Variants in MYOM3 observed in about 807,000 individuals in gnomAD.
The protein encoded by MYOM3 is myomesin-3.
In MYOM3, 155 loss-of-function variants were observed where a neutral mutation model predicts 191.7. That is an observed-to-expected ratio of 0.81 (90% confidence interval 0.71 to 0.92). MYOM3 has a LOEUF of 0.92. Among genes scored for constraint, MYOM3 ranks in the 40% least tolerant of loss-of-function variants. The pLI is 0.00. For synonymous variants in MYOM3, 757 were observed against 762.9 expected, an observed-to-expected ratio of 0.99 and a Z score of 0.13; for missense variants, 1,889 against 1,890.6, an observed-to-expected ratio of 1.00 and a Z score of 0.02.
rs761157995 is a variant in MYOM3, at chr1:24,081,465, G to A, written c.2281-9C>T. The A allele has an allele frequency of 5.1e-5, 82 of 1,613,006 alleles. No homozygotes were observed. Among genetic ancestry groups the A allele is most frequent in the Non-Finnish European group, 6.8e-5 (80 of 1,179,450 alleles). On this transcript the variant is annotated splice_polypyrimidine_tract_variant and intron_variant, in intron 18 of 36. Transcript: ENST00000374434. The stretch of plus-strand genomic sequence containing the variant: ...TCATGAAGGTCACTGACCTTTAAGA[G>A]CAGAAACACAAACTATGAGGCTGAG...
At chr1:24,076,298 C>T in intron 20 of MYOM3, 25 bp from the exon 21 acceptor site, 1 of 1,560,088 alleles carries the variant, frequency 6.4e-7, no homozygotes, top group Admixed American at 1.7e-5. Flanking sequence ...CAAGAGCCAG[C>T]ACTGAGGACA....
intron 5 of MYOM3, among the ~76,000 whole-genome samples, chr1:24,100,015 C>A (rs1257013636): frequency 6.6e-6 from 1 of 152,044 alleles, no homozygotes; most frequent in African/African-American, 2.4e-5. Flanking sequence ...ATTACAGACG[C>A]CTTCCACCAC....
chr1:24,084,905 A>T (rs933755685), intron 15 of MYOM3, among the ~76,000 whole-genome samples: 1 of 151,426 alleles, frequency 6.6e-6, no homozygotes, highest in African/African-American at 2.4e-5. Context: ...ACACACACAC[A>T]CTCTCTCTCA....
At chr1:24,097,569 G>A (rs935212254) in intron 7 of MYOM3, among the ~76,000 whole-genome samples, 9 of 152,172 alleles carry the variant, frequency 5.9e-5, no homozygotes, top group Non-Finnish European at 1.2e-4. Flanking sequence ...CCCTGCCACC[G>A]GCTGGCTCAG....
chr1:24,108,795 T>C, intron 1 of MYOM3, 141 bp from the exon 2 acceptor site: 1 of 612,216 alleles, frequency 1.6e-6, no homozygotes, highest in Non-Finnish European at 2.8e-6. Context: ...GAAACTGAGG[T>C]CTGAGAGGGA....
intron 3 of MYOM3, 29 bp downstream of exon 3, chr1:24,107,964 C>T (rs376582046): frequency 4.4e-5 from 70 of 1,599,104 alleles, no homozygotes; most frequent in East Asian, 2.0e-4. Context: ...TCCTCAGCCA[C>T]GGCTCCCTGG....
At chr1:24,068,460 C>G in intron 25 of MYOM3, 93 bp from the exon 26 acceptor site, 4 of 1,482,348 alleles carry the variant, frequency 2.7e-6, no homozygotes, top group Non-Finnish European at 3.7e-6. Flanking sequence ...GGGTGGTAAG[C>G]ACAGAGCTGT....
chr1:24,068,802 C>A (rs1014795801), intron 25 of MYOM3, among the ~76,000 whole-genome samples: 10 of 152,134 alleles, frequency 6.6e-5, no homozygotes, highest in Non-Finnish European at 1.0e-4. Flanking sequence ...CGGCTCACTG[C>A]AGCTTCTGCC....
rs770898218 is a variant in MYOM3, at chr1:24,108,073, G to A, written c.162C>T (p.Ser54=). The A allele has an allele frequency of 6.2e-7, 1 of 1,613,350 alleles. No individual in the cohort carries two copies. Among genetic ancestry groups the A allele is most frequent in the Non-Finnish European group, 8.5e-7 (1 of 1,179,646 alleles). Residue 54 remains serine (S), a splice_region_variant and synonymous_variant, in exon 3 of 37, where the codon AGC becomes AGT. Transcript: ENST00000374434. ...SSVRRRTFRS[S]EEEHEFSAAD... ...CGGCGCTGAACTCATGCTCTTCTTC[G>A]CTGCTCCCAGAAGGAGGGGAGTAAA...
intron 28 of MYOM3, 30 bp from the exon 29 acceptor site, chr1:24,066,031 G>T: frequency 1.4e-6 from 2 of 1,430,662 alleles, no homozygotes; most frequent in Non-Finnish European, 2.0e-6. Flanking sequence ...AGGAGACTCT[G>T]TCAGGCTTGT....
At chr1:24,104,397 C>A (rs1017294572) in intron 5 of MYOM3, among the ~76,000 whole-genome samples, 8 of 152,170 alleles carry the variant, frequency 5.3e-5, no homozygotes, top group African/African-American at 1.9e-4. Flanking sequence ...ATATCACCCA[C>A]GAGTATACTT....
rs777411842 is a variant in MYOM3, at chr1:24,108,606, C to A, written c.31G>T (p.Gly11Trp). 1 of 1,567,628 alleles carries A rather than the reference C, an allele frequency of 6.4e-7. No homozygotes were observed. The highest frequency in any genetic ancestry group is 8.6e-7 in the Non-Finnish European group (1 of 1,157,872). MTLPHSLGGA[G>W]DPRPPQAMEV... ...ATGGCCTGGGGGGGCCGGGGGTCCC[C>A]CGCACCTCCCAAGCTGTGCGGCAGA... The change falls in exon 2 of 37, where the codon GGG becomes TGG. Residue 11 changes from glycine (G) to tryptophan (W), a missense_variant. By Grantham distance (184) the Gly-to-Trp change is radical. Coordinates refer to ENST00000374434, the MANE Select transcript of MYOM3 (RefSeq NM_152372.4).
intron 9 of MYOM3, 114 bp from the exon 10 acceptor site, chr1:24,093,222 A>G: frequency 2.9e-6 from 2 of 695,290 alleles, no homozygotes; most frequent in Non-Finnish European, 5.0e-6. Context: ...GAGGCTGGTG[A>G]GGCTCAGCTC....
intron 13 of MYOM3, 99 bp from the exon 14 acceptor site, chr1:24,089,764 A>G: frequency 7.2e-7 from 1 of 1,381,656 alleles, no homozygotes; most frequent in Non-Finnish European, 9.8e-7. Flanking sequence ...ACCCCTACCC[A>G]TCCCCCAGAG....
chr1:24,082,386 C>T, intron 17 of MYOM3, 198 bp from the exon 18 acceptor site: 1 of 879,542 alleles, frequency 1.1e-6, no homozygotes, highest in Non-Finnish European at 1.7e-6. Context: ...CCCCACCCCC[C>T]AGAGCTGCTC....
At chr1:24,067,275 TCTTC>T (rs1396045159) in intron 27 of MYOM3, among the ~76,000 whole-genome samples, 187 bp from the exon 28 acceptor site, 1 of 139,734 alleles carries the variant, frequency 7.2e-6, no homozygotes, top group Non-Finnish European at 1.6e-5. Flanking sequence ...TTTCTTTCTT[TCTTC>T]CTTCCTTTCT....
chr1:24,080,983 GAA>G (rs1643661609), intron 19 of MYOM3, among the ~76,000 whole-genome samples: 1 of 152,206 alleles, frequency 6.6e-6, no homozygotes, highest in South Asian at 2.1e-4. Context: ...GTAGGAAACT[GAA>G]AGTCTCAGGC....
At chr1:24,094,125 G>T (rs1330459414) in intron 9 of MYOM3, among the ~76,000 whole-genome samples, 2 of 150,624 alleles carry the variant, frequency 1.3e-5, no homozygotes, top group Admixed American at 1.3e-4. Flanking sequence ...CCTGCCTCCC[G>T]ATCTTGGGGC....
Position 24,094,847 on chromosome 1 carries a change from C to T in MYOM3, c.928+6G>A. 6.2e-7 allele frequency: 1 copy of T among 1,609,466 alleles called. No homozygotes were observed. Among genetic ancestry groups the T allele is most frequent in the African/African-American group, 1.3e-5 (1 of 74,984 alleles). On this transcript the variant is annotated splice_donor_region_variant and intron_variant, in intron 9 of 36. Coordinates refer to ENST00000374434, the MANE Select transcript of MYOM3 (RefSeq NM_152372.4). ...GAGGCTGGGGGCCAGGACTGGGGGT[C>T]CTTACCATCTCGGAACCACTGGATG...
Sources: gnomAD v4.1 joint callset for allele counts (sites outside exome capture counted in the v4.1 genomes callset) on GRCh38, gnomAD v4.1.1 for gene constraint, MANE v1.5 for transcripts, NCBI Gene and HGNC (gene_info 2026-07-23, HGNC 2026-07-21) for gene names.